Variants in ANKRD12 observed in about 807,000 individuals in gnomAD.
ANKRD12 encodes ankyrin repeat domain 12, also known as ankyrin repeat domain-containing protein 12.
ANKRD12 carries 85 observed loss-of-function variants against 183.4 expected under a neutral mutation model. The ratio of observed to expected loss-of-function variants is 0.46; its 90% CI spans 0.39 to 0.56. The LOEUF (loss-of-function observed/expected upper bound fraction) is 0.56. Among genes scored for constraint, ANKRD12 ranks in the 20% least tolerant of loss-of-function variants. ANKRD12 has a pLI of 0.00. For synonymous variants in ANKRD12, 914 were observed against 800.2 expected, an observed-to-expected ratio of 1.14 and a Z score of -2.40; for missense variants, 2,405 against 2,357.1, an observed-to-expected ratio of 1.02 and a Z score of -0.42.
chr18:9,206,097 G>A (rs906130781), intron 4 of ANKRD12, among the ~76,000 whole-genome samples: 5 of 151,974 alleles, frequency 3.3e-5, no homozygotes, highest in South Asian at 2.1e-4. Flanking sequence ...ATGTTGGAGC[G>A]TTGAAAAGTC....
intron 10 of ANKRD12, among the ~76,000 whole-genome samples, chr18:9,273,000 T>G (rs2039679222): frequency 5.3e-5 from 8 of 152,128 alleles, no homozygotes; most frequent in Admixed American, 5.2e-4. Flanking sequence ...ACTAGGCACA[T>G]TCTTTGTATT....
At chr18:9,230,605 T>C (rs920549770) in intron 8 of ANKRD12, among the ~76,000 whole-genome samples, 13 of 152,048 alleles carry the variant, frequency 8.5e-5, no homozygotes, top group Non-Finnish European at 1.6e-4. Flanking sequence ...TTTTTTAGCA[T>C]TGCTTTTGCT....
At chr18:9,154,378 C>G (rs985461354) in intron 1 of ANKRD12, among the ~76,000 whole-genome samples, 5 of 152,136 alleles carry the variant, frequency 3.3e-5, no homozygotes, top group Non-Finnish European at 5.9e-5. Context: ...TGCCACTGCA[C>G]TCCAGTCTGA....
chr18:9,194,156 G>A (rs759947821), intron 2 of ANKRD12, among the ~76,000 whole-genome samples: 3 of 151,802 alleles, frequency 2.0e-5, no homozygotes, highest in Non-Finnish European at 4.4e-5. Context: ...ACTTTACTAT[G>A]CATCAAAATT....
chr18:9,275,130 A>C (rs1458724644), intron 10 of ANKRD12, among the ~76,000 whole-genome samples: 1 of 152,102 alleles, frequency 6.6e-6, no homozygotes, highest in Non-Finnish European at 1.5e-5. Flanking sequence ...TTTCGAGATT[A>C]CAGTGAACTA....
At chr18:9,212,677 TG>T (rs2035874026) in intron 6 of ANKRD12, among the ~76,000 whole-genome samples, 2 of 150,808 alleles carry the variant, frequency 1.3e-5, no homozygotes, top group Non-Finnish European at 3.0e-5. Context: ...TTTGAAATAA[TG>T]GAAATTGCCC....
rs183377867 is a variant in ANKRD12 at position 9,268,921 on chromosome 18, A to G, written c.5763+5033A>G. Among the ~76,000 whole-genome samples the G allele has an allele frequency of 2.3e-4, 35 of 152,348 alleles. 1 individual carries two copies. In the East Asian group the frequency reaches 6.0e-3, roughly 26 times the overall value. ...CTTAAGCTGATAACCAACTTCAGCA[A>G]AGTCTCAGGATGCAAAATCAATGTG... On this transcript the variant is annotated intron_variant, in intron 10 of 12. Transcript: ENST00000262126.
chr18:9,271,105 C>T (rs897248288), intron 10 of ANKRD12, among the ~76,000 whole-genome samples: 1 of 152,142 alleles, frequency 6.6e-6, no homozygotes, highest in Non-Finnish European at 1.5e-5. Flanking sequence ...GACAGTCTCA[C>T]TCTGTCACCC....
intron 8 of ANKRD12, among the ~76,000 whole-genome samples, chr18:9,229,298 G>A (rs1172631578): frequency 2.0e-5 from 3 of 151,990 alleles, no homozygotes; most frequent in Admixed American, 2.0e-4. Context: ...TTCCATACAT[G>A]TTTATGGATT....
intron 4 of ANKRD12, among the ~76,000 whole-genome samples, chr18:9,208,125 T>C (rs1293102257): frequency 6.6e-6 from 1 of 152,214 alleles, no homozygotes; most frequent in African/African-American, 2.4e-5. Flanking sequence ...CATGTTCAGC[T>C]ATCCTATGAC....
Position 9,255,955 on chromosome 18 carries a change from AACTG to A in ANKRD12, c.2691_2694del (p.Asp898ThrfsTer24). ...GCAAAAATACTGCTGCTATTAAAAA[AACTG>A]ACGACAGAGAGAAAAGTAGAGAAAA... On this transcript the variant is annotated frameshift_variant, in exon 9 of 13. Transcript: ENST00000262126. LOFTEE classifies it high-confidence loss of function. 1 of 1,580,216 alleles carries A rather than the reference AACTG, an allele frequency of 6.3e-7. No homozygotes were observed. Among genetic ancestry groups the A allele is most frequent in the Non-Finnish European group, 8.5e-7 (1 of 1,171,196 alleles).
intron 8 of ANKRD12, among the ~76,000 whole-genome samples, chr18:9,252,004 T>G (rs1351519833): frequency 2.6e-5 from 4 of 152,144 alleles, no homozygotes; most frequent in Admixed American, 2.6e-4. Flanking sequence ...TTAAATTTAG[T>G]TATAGATAGC....
At chr18:9,236,917 A>G (rs2037381856) in intron 8 of ANKRD12, among the ~76,000 whole-genome samples, 1 of 152,206 alleles carries the variant, frequency 6.6e-6, no homozygotes, top group Non-Finnish European at 1.5e-5. Context: ...GATTTGCAAT[A>G]CTGGAAGATA....
At chr18:9,194,245 AG>A (rs1351395078) in intron 2 of ANKRD12, among the ~76,000 whole-genome samples, 1 of 152,166 alleles carries the variant, frequency 6.6e-6, no homozygotes, top group Non-Finnish European at 1.5e-5. Context: ...ATGATGCCTG[AG>A]ATTTTGCATT....
chr18:9,174,834 C>T (rs889663591), intron 1 of ANKRD12, among the ~76,000 whole-genome samples: 4 of 119,234 alleles, frequency 3.4e-5, no homozygotes, highest in Admixed American at 9.0e-5. Context: ...CAGGTGGAAA[C>T]TGAGGAATAA....
At chr18:9,167,391 A>G (rs894034388) in intron 1 of ANKRD12, among the ~76,000 whole-genome samples, 1 of 151,980 alleles carries the variant, frequency 6.6e-6, no homozygotes, top group Non-Finnish European at 1.5e-5. Context: ...CTTTTATTTC[A>G]TTGAGCAGTG....
At chr18:9,158,479 G>C (rs893999228) in intron 1 of ANKRD12, among the ~76,000 whole-genome samples, 3 of 152,108 alleles carry the variant, frequency 2.0e-5, no homozygotes, top group African/African-American at 4.8e-5. Flanking sequence ...GTAAGTGTAG[G>C]ATGCTCCACT....
rs528575252 is a variant in ANKRD12 at position 9,170,866 on chromosome 18, C to T, written c.-51-11516C>T. ...TACCTTTGGTCTTTGATGATGGTGA[C>T]GTACAGATGGGTTTTTGGTGTGGAT... On this transcript the variant is annotated intron_variant, in intron 1 of 12. Coordinates refer to ENST00000262126, the MANE Select transcript of ANKRD12 (RefSeq NM_015208.5). Among the ~76,000 whole-genome samples, 217 of 152,180 alleles carry T rather than the reference C, an allele frequency of 1.4e-3. 1 individual carries two copies. Among genetic ancestry groups the T allele is most frequent in the African/African-American group, 4.9e-3 (204 of 41,494 alleles).
In ANKRD12 at chr18:9,283,407, T is replaced by C. The variant is rs974364623; in HGVS notation, c.*2281T>C. ...CCATGATTATGCTTCTACAAATTTC[T>C]TTTATAAAGAGACTCAAAGCTAATG... On this transcript the variant is annotated 3_prime_UTR_variant, in exon 13 of 13. Coordinates refer to ENST00000262126, the MANE Select transcript of ANKRD12 (RefSeq NM_015208.5). 1.3e-5 allele frequency: 2 copies of C among 152,212 alleles called. No individual in the cohort carries two copies. Among genetic ancestry groups the C allele is most frequent in the African/African-American group, 4.8e-5 (2 of 41,460 alleles). 9.4% of individuals were successfully genotyped at this position (152,212 alleles called of 1,614,324 possible). A position where few individuals can be genotyped will look rare whatever the true frequency, so the allele number is the denominator to read the frequency against.
Sources: allele counts gnomAD v4.1 joint callset (sites outside exome capture counted in the v4.1 genomes callset), GRCh38; gene constraint gnomAD v4.1.1; transcripts MANE v1.5; gene names NCBI Gene and HGNC (gene_info 2026-07-23, HGNC 2026-07-21).